The following TNRC6A variants were observed in gnomAD, a reference collection of about 807,000 sequenced individuals.
TNRC6A encodes trinucleotide repeat-containing gene 6A protein.
A neutral mutation model predicts 221.2 loss-of-function variants in TNRC6A; 44 were observed. The observed-to-expected ratio is 0.20, with a 90% CI of 0.16 to 0.26. TNRC6A has a LOEUF of 0.26. Ranked by LOEUF, TNRC6A falls within the 10% of genes least tolerant of loss-of-function variation. The probability of loss-of-function intolerance (pLI) is 1.00; values close to 1 mark genes in which losing one functional copy is unlikely to be tolerated. For synonymous variants in TNRC6A, 847 were observed against 838.5 expected, an observed-to-expected ratio of 1.01 and a Z score of -0.18; for missense variants, 2,199 against 2,404.4, an observed-to-expected ratio of 0.91 and a Z score of 1.79.
intron 18 of TNRC6A, among the ~76,000 whole-genome samples, chr16:24,812,051 TTTTTTTTTTTTTTTTG>T (rs2152043768): frequency 4.7e-5 from 2 of 42,918 alleles, no homozygotes; most frequent in East Asian, 4.7e-4. Context: ...TTTTTTTTTT[TTTTTTTTTTTTTTTTG>T]AGACAGAGTC....
At chr16:24,777,606 A>T (rs2057753395) in intron 5 of TNRC6A, among the ~76,000 whole-genome samples, 1 of 152,206 alleles carries the variant, frequency 6.6e-6, no homozygotes, top group Non-Finnish European at 1.5e-5. Flanking sequence ...AGGAGCTTAT[A>T]GCTAAAGTTG....
At chr16:24,708,304 G>T (rs1447638005) in intron 2 of TNRC6A, among the ~76,000 whole-genome samples, 1 of 150,192 alleles carries the variant, frequency 6.7e-6, no homozygotes, top group African/African-American at 2.4e-5. Context: ...GCGGTGGCGC[G>T]ATGTCAGCTC....
intron 18 of TNRC6A, among the ~76,000 whole-genome samples, chr16:24,810,420 G>A (rs942397798): frequency 8.5e-5 from 13 of 152,266 alleles, no homozygotes; most frequent in African/African-American, 2.6e-4. Flanking sequence ...CATTGTGAAC[G>A]AAAGTATGTC....
intron 8 of TNRC6A, chr16:24,795,624 C>T: frequency 2.7e-6 from 1 of 367,578 alleles, no homozygotes. Context: ...AGTCTAGGAC[C>T]TGCCATTTTC....
At chr16:24,763,666 C>A (rs1212367544) in intron 4 of TNRC6A, among the ~76,000 whole-genome samples, 1 of 152,194 alleles carries the variant, frequency 6.6e-6, no homozygotes, top group Non-Finnish European at 1.5e-5. Context: ...GAAATACTTA[C>A]TGTTTGCCTA....
At position 24,792,785 on chromosome 16, in the gene TNRC6A, ATT is replaced by A. The variant is rs34453471; in HGVS notation, c.3176-669_3176-668del. Among the ~76,000 whole-genome samples the A allele has an allele frequency of 7.6e-4, 91 of 120,374 alleles. 1 individual carries two copies. Among genetic ancestry groups the A allele is most frequent in the Middle Eastern group, 4.7e-3 (1 of 214 alleles). The allele number at this position is 120,374 out of a possible 152,430, so 79.0% of individuals were successfully genotyped here. ...GTGGAAGGGGTACACTTGTGGCACA[ATT>A]TTTTTTTTTTTTTTTTTTGGAGATG... On this transcript the variant is annotated intron_variant, in intron 6 of 24. Coordinates refer to ENST00000395799, the MANE Select transcript of TNRC6A (RefSeq NM_014494.4).
intron 3 of TNRC6A, among the ~76,000 whole-genome samples, chr16:24,753,811 G>A (rs2057189912): frequency 6.6e-6 from 1 of 152,068 alleles, no homozygotes; most frequent in South Asian, 2.1e-4. Flanking sequence ...TTTGAAAAAG[G>A]CCAGATATTA....
In TNRC6A at chr16:24,790,370, T is replaced by C. The variant is rs1392496762; in HGVS notation, c.1728T>C (p.Ser576=). The part of the protein sequence containing the change: ...NTNKGGGVWE[S]GAANSQSTSW... ...ACAAAGGAGGTGGTGTGTGGGAATC[T>C]GGTGCAGCAAACTCCCAGAGTACAT... Residue 576 remains serine, a synonymous_variant, in exon 6 of 25, where the codon TCT becomes TCC. Coordinates refer to ENST00000395799, the MANE Select transcript of TNRC6A (RefSeq NM_014494.4). 1 of 1,614,116 alleles carries C rather than the reference T, an allele frequency of 6.2e-7. No individual in the cohort carries two copies. Among genetic ancestry groups the C allele is most frequent in the Non-Finnish European group, 8.5e-7 (1 of 1,180,042 alleles).
rs761384906 is a variant in TNRC6A, at chr16:24,809,510, A to C, written c.4672+29A>C. On this transcript the variant is annotated intron_variant, in intron 18 of 24. Transcript: ENST00000395799. ...CAAAAGATACATCTTACCAAAAAAAAAAAAAAAACACACACACCTGCAGAA... is the reference window on the plus strand; with the variant it reads ...CAAAAGATACATCTTACCAAAAAAACAAAAAAAACACACACACCTGCAGAA... The C allele has an allele frequency of 3.3e-6, 5 of 1,518,008 alleles. No homozygotes were observed. The South Asian group carries it at 6.6e-5, about 20-fold the overall frequency. 94.0% of individuals were successfully genotyped at this position (1,518,008 alleles called of 1,614,324 possible).
At chr16:24,731,900 C>A (rs1379137808) in intron 2 of TNRC6A, among the ~76,000 whole-genome samples, 1 of 152,194 alleles carries the variant, frequency 6.6e-6, no homozygotes, top group Non-Finnish European at 1.5e-5. Flanking sequence ...GTGGGCCAGC[C>A]AGTTGCTGAG....
chr16:24,678,768 A>C (rs2055470599), intron 2 of TNRC6A, among the ~76,000 whole-genome samples: 1 of 152,190 alleles, frequency 6.6e-6, no homozygotes. Flanking sequence ...ACCTGATTGC[A>C]ACCTGCGAGA....
At chr16:24,632,991 A>G (rs2141688208) in intron 1 of TNRC6A, among the ~76,000 whole-genome samples, 1 of 149,060 alleles carries the variant, frequency 6.7e-6, no homozygotes, top group South Asian at 2.2e-4. Flanking sequence ...CCTGGGTGAC[A>G]AGAGCAAAAC....
intron 2 of TNRC6A, among the ~76,000 whole-genome samples, chr16:24,732,469 G>A (rs996131914): frequency 6.6e-6 from 1 of 152,166 alleles, no homozygotes; most frequent in East Asian, 1.9e-4. Flanking sequence ...GGACTCATCT[G>A]ATCCTTGAAA....
At chr16:24,755,192 T>A (rs2057223604) in intron 3 of TNRC6A, among the ~76,000 whole-genome samples, 1 of 152,248 alleles carries the variant, frequency 6.6e-6, no homozygotes, top group Non-Finnish European at 1.5e-5. Context: ...AGGAAAGCTC[T>A]CTGAGCACTA....
chr16:24,681,464 G>A (rs1316891084), intron 2 of TNRC6A, among the ~76,000 whole-genome samples: 3 of 151,950 alleles, frequency 2.0e-5, no homozygotes, highest in Non-Finnish European at 4.4e-5. Context: ...CTGACCTCAA[G>A]TGATCCGCCT....
intron 2 of TNRC6A, chr16:24,663,792 T>C (rs2141936154): frequency 2.6e-6 from 1 of 387,072 alleles, no homozygotes; most frequent in Admixed American, 2.8e-5. Flanking sequence ...CCTCCAGAGG[T>C]CAGGCTGATA....
chr16:24,789,613 G>A lies in TNRC6A; in HGVS notation c.971G>A (p.Cys324Tyr), dbSNP rs751649538. ...GFSHGAIIST[C>Y]QVSVDAPESK... Reference sequence around the variant, plus strand: ...TCCCATGGAGCCATAATAAGCACATGTCAGGTCTCTGTGGATGCTCCTGAA... The same window carrying A: ...TCCCATGGAGCCATAATAAGCACATATCAGGTCTCTGTGGATGCTCCTGAA... Residue 324 changes from cysteine (C) to tyrosine (Y), a missense_variant, in exon 6 of 25, where the codon TGT (cysteine) becomes TAT (tyrosine). Transcript: ENST00000395799. The A allele has an allele frequency of 7.4e-6, 12 of 1,614,022 alleles. No homozygotes were observed. The African/African-American group carries it at 1.5e-4, about 20-fold the overall frequency.
chr16:24,823,135 C>A lies in TNRC6A; in HGVS notation c.5513+122C>A. On this transcript the variant is annotated intron_variant, in intron 24 of 24. Transcript: ENST00000395799. This position sits in a 1 kb window ranked among gnomAD's most constrained non-coding sequence, Gnocchi z 4.3. Reference sequence around the variant, plus strand: ...GGCTCCTGCTGGCTGCAGTAGTGCCCTGATTCCAAGGTCGGCATTCCTAAG... The same window carrying A: ...GGCTCCTGCTGGCTGCAGTAGTGCCATGATTCCAAGGTCGGCATTCCTAAG... The A allele has an allele frequency of 7.4e-7, 1 of 1,357,880 alleles. No individual in the cohort carries two copies. The allele number at this position is 1,357,880 out of a possible 1,614,324, so 84.1% of individuals were successfully genotyped here. A position where few individuals can be genotyped will look rare whatever the true frequency, so the allele number is the denominator to read the frequency against.
At chr16:24,637,181 T>C (rs1901679105) in intron 1 of TNRC6A, among the ~76,000 whole-genome samples, 1 of 152,116 alleles carries the variant, frequency 6.6e-6, no homozygotes, top group Admixed American at 6.6e-5. Flanking sequence ...TTCAGGTGCA[T>C]ACCACCATAC....
Sources: allele counts gnomAD v4.1 joint callset (sites outside exome capture counted in the v4.1 genomes callset), GRCh38; gene constraint gnomAD v4.1.1; non-coding constraint Gnocchi (gnomAD v3.1); transcripts MANE v1.5; gene names NCBI Gene and HGNC (gene_info 2026-07-23, HGNC 2026-07-21).